Variants in KIT observed in about 807,000 individuals in gnomAD.
KIT encodes mast/stem cell growth factor receptor Kit.
KIT carries 16 observed loss-of-function variants against 105.7 expected under a neutral mutation model. The observed-to-expected ratio is 0.15, with a 90% CI of 0.10 to 0.23. The LOEUF is 0.23. KIT is among the 10% of genes least tolerant of loss of function. KIT has a pLI of 1.00. For missense variants in KIT, 858 were observed against 1,213.8 expected (o/e 0.71, Z 4.36); for synonymous variants, 438 against 441.1 (o/e 0.99, Z 0.09).
At chr4:54,734,860 G>C (rs1256127751) in intron 17 of KIT, among the ~76,000 whole-genome samples, 2 of 152,000 alleles carry the variant, frequency 1.3e-5, no homozygotes, top group African/African-American at 4.8e-5. Context: ...GAAATACATA[G>C]GAATACCAAG....
intron 5 of KIT, among the ~76,000 whole-genome samples, chr4:54,704,955 T>G (rs1422518740): frequency 6.6e-6 from 1 of 152,200 alleles, no homozygotes; most frequent in Non-Finnish European, 1.5e-5. Context: ...AATGGAAAGT[T>G]TCTCCCCAGA....
chr4:54,683,470 T>C (rs974842009), intron 1 of KIT, among the ~76,000 whole-genome samples: 1 of 152,152 alleles, frequency 6.6e-6, no homozygotes, highest in Non-Finnish European at 1.5e-5. Flanking sequence ...GACCTCGTTC[T>C]CCACCAAAAG....
In KIT at chr4:54,731,928, T is replaced by C. The variant is rs1553892703; in HGVS notation, c.2291T>C (p.Leu764Pro). The change falls in exon 16 of 21, where the codon CTA (leucine) becomes CCA (proline). Residue 764 changes from leucine (L) to proline (P), a missense_variant. Leu to Pro is a moderately conservative substitution (Grantham distance 98). Around this residue, in one of 7 missense-constraint regions of KIT, gnomAD observed 158 missense variants for 218.7 expected, o/e 0.72. Transcript: ENST00000288135. ...PAIMEDDELA[L>P]DLEDLLSFSY... The stretch of plus-strand genomic sequence containing the variant: ...ATCATGGAGGATGACGAGTTGGCCC[T>C]AGACTTAGAAGACTTGCTGAGCTTT... 1 of 1,613,736 alleles carries C rather than the reference T, an allele frequency of 6.2e-7. No homozygotes were observed. The highest frequency in any genetic ancestry group is 8.5e-7 in the Non-Finnish European group (1 of 1,179,746).
At chr4:54,716,934 T>C (rs1478658367) in intron 7 of KIT, among the ~76,000 whole-genome samples, 1 of 152,228 alleles carries the variant, frequency 6.6e-6, no homozygotes, top group Non-Finnish European at 1.5e-5. Flanking sequence ...CTTCTTAGTG[T>C]GGTAGCTAAT....
At chr4:54,658,707 G>C (rs1717004995) in intron 1 of KIT, among the ~76,000 whole-genome samples, 1 of 152,244 alleles carries the variant, frequency 6.6e-6, no homozygotes, top group East Asian at 1.9e-4. Context: ...CCCGCCTCCG[G>C]GTTAGGCTTT....
intron 5 of KIT, among the ~76,000 whole-genome samples, chr4:54,704,319 C>T (rs920454711): frequency 2.6e-5 from 4 of 152,204 alleles, no homozygotes; most frequent in African/African-American, 4.8e-5. Flanking sequence ...TGTTTTGCCA[C>T]TCATCAGATC....
intron 20 of KIT, among the ~76,000 whole-genome samples, chr4:54,737,590 C>CA (rs1723000422): frequency 1.3e-5 from 2 of 152,116 alleles, no homozygotes; most frequent in Admixed American, 1.3e-4. Flanking sequence ...GTCACGGGGT[C>CA]AGTATTTTCT....
intron 4 of KIT, among the ~76,000 whole-genome samples, chr4:54,700,186 A>G (rs1445108869): frequency 2.6e-5 from 4 of 152,230 alleles, no homozygotes; most frequent in Admixed American, 2.6e-4. Flanking sequence ...GAGAGTCTCA[A>G]TTATTCACCA....
chr4:54,720,945 C>T (rs1421133584), intron 7 of KIT, among the ~76,000 whole-genome samples: 1 of 152,188 alleles, frequency 6.6e-6, no homozygotes, highest in African/African-American at 2.4e-5. Context: ...AGAAATAGTG[C>T]CGTATTTACG....
At chr4:54,682,600 G>A (rs985129556) in intron 1 of KIT, among the ~76,000 whole-genome samples, 1 of 151,320 alleles carries the variant, frequency 6.6e-6, no homozygotes, top group Non-Finnish European at 1.5e-5. Flanking sequence ...TAATTTTTTT[G>A]GTATTTTTAG....
rs772310524 is a variant in KIT at position 54,699,616 on chromosome 4, T to C, written c.620-14T>C. ...TACAAATTATTTGAGGGGCCACATT[T>C]CTTTTCATTCTAGCCTTCAAAGCTG... On this transcript the variant is annotated splice_polypyrimidine_tract_variant and intron_variant, in intron 3 of 20. Transcript: ENST00000288135. 1.9e-6 allele frequency: 3 copies of C among 1,613,864 alleles called. 1 individual carries two copies. The highest frequency in any genetic ancestry group is 2.2e-5 in the South Asian group (2 of 91,076).
chr4:54,683,715 T>A (rs1560385177), intron 1 of KIT, among the ~76,000 whole-genome samples: 1 of 152,316 alleles, frequency 6.6e-6, no homozygotes, highest in East Asian at 1.9e-4. Context: ...GTAAGTTTCC[T>A]TAGAAGCACA....
intron 1 of KIT, among the ~76,000 whole-genome samples, chr4:54,688,144 A>G (rs915086099): frequency 6.7e-6 from 1 of 149,916 alleles, no homozygotes; most frequent in Non-Finnish European, 1.5e-5. Context: ...CTGAGCTCAT[A>G]CTCCCCCTCC....
intron 1 of KIT, among the ~76,000 whole-genome samples, chr4:54,663,521 G>T (rs1168196809): frequency 1.4e-4 from 21 of 146,686 alleles, no homozygotes; most frequent in African/African-American, 2.2e-4. Flanking sequence ...ATGTAGAGTG[G>T]TTTTTTTTTT....
chr4:54,726,880 G>A lies in KIT; in HGVS notation c.1541-338G>A, dbSNP rs1365509303. ...GAAGAAAATATAAACCGTCCATAAA[G>A]GAAGCTTCTTTTTTTTAAAGTTGTA... On this transcript the variant is annotated intron_variant, in intron 9 of 20. Coordinates refer to ENST00000288135, the MANE Select transcript of KIT (RefSeq NM_000222.3). Among the ~76,000 whole-genome samples the A allele has an allele frequency of 2.6e-5, 4 of 151,308 alleles. No homozygotes were observed. The East Asian group carries it at 5.8e-4, about 22-fold the overall frequency.
At chr4:54,727,659 A>G (rs1417139170) in intron 11 of KIT, 117 bp downstream of exon 11, 2 of 1,427,358 alleles carry the variant, frequency 1.4e-6, no homozygotes, top group Admixed American at 3.4e-5. Flanking sequence ...GTTTTCTGTG[A>G]AATTGCGCCC....
At chr4:54,724,142 C>A (rs578246907) in intron 8 of KIT, among the ~76,000 whole-genome samples, 1 of 152,158 alleles carries the variant, frequency 6.6e-6, no homozygotes, top group South Asian at 2.1e-4. Context: ...TGCAAGCGAC[C>A]GCTTTTAAAA....
At chr4:54,669,414 C>G (rs1192578330) in intron 1 of KIT, among the ~76,000 whole-genome samples, 1 of 152,182 alleles carries the variant, frequency 6.6e-6, no homozygotes, top group Non-Finnish European at 1.5e-5. Context: ...GAGGTGGGTC[C>G]CCCACGGGGT....
chr4:54,686,429 G>T (rs1159347209), intron 1 of KIT, among the ~76,000 whole-genome samples: 2 of 152,162 alleles, frequency 1.3e-5, no homozygotes. Context: ...ACAGAAATTT[G>T]CATTGTCCAA....
Sources: gnomAD v4.1 joint callset for allele counts (sites outside exome capture counted in the v4.1 genomes callset) on GRCh38, gnomAD v4.1.1 for gene constraint, gnomAD v4.1.1 regional missense constraint, MANE v1.5 for transcripts, NCBI Gene and HGNC (gene_info 2026-07-23, HGNC 2026-07-21) for gene names.